The following TATDN1 variants were observed in gnomAD, a reference collection of about 807,000 sequenced individuals.
TATDN1 encodes the protein deoxyribonuclease TATDN1.
In TATDN1, 40 loss-of-function variants were observed where a neutral mutation model predicts 46.4. The observed-to-expected ratio is 0.86, with a 90% CI of 0.67 to 1.12. The LOEUF (loss-of-function observed/expected upper bound fraction) is 1.12. Among genes scored for constraint, TATDN1 ranks in the 50% most tolerant of loss-of-function variants. The pLI is 0.00. For missense variants in TATDN1, 326 were observed against 348.4 expected (o/e 0.94, Z 0.51); for synonymous variants, 95 against 105.6 (o/e 0.90, Z 0.62).
chr8:124,496,655 T>TA (rs1430401208), intron 9 of TATDN1, among the ~76,000 whole-genome samples: 1 of 152,258 alleles, frequency 6.6e-6, no homozygotes, highest in Non-Finnish European at 1.5e-5. Flanking sequence ...GCTTGATAGT[T>TA]CATTTCTTTT....
intron 1 of TATDN1, among the ~76,000 whole-genome samples, chr8:124,532,412 T>C (rs1161048473): frequency 1.3e-5 from 2 of 152,160 alleles, no homozygotes; most frequent in Admixed American, 6.5e-5. Flanking sequence ...GCCTCCCACA[T>C]AGCTGGGATT....
rs368357394 is a variant in TATDN1, at chr8:124,512,921, T to C, written c.389+2825A>G. On this transcript the variant is annotated intron_variant, in intron 6 of 11. Transcript: ENST00000276692. The stretch of plus-strand genomic sequence containing the variant: ...AATGTGATTGTTACTAGTGTGTCTT[T>C]TTTTTTTCTTTTGAGCGGAATCTTT... Among the ~76,000 whole-genome samples the C allele has an allele frequency of 1.1e-4, 16 of 152,260 alleles. 1 individual carries two copies. Among genetic ancestry groups the C allele is most frequent in the Admixed American group, 5.2e-4 (8 of 15,300 alleles).
intron 6 of TATDN1, 23 bp from the exon 7 acceptor site, chr8:124,508,711 ATTCTCATT>A: frequency 1.5e-6 from 2 of 1,372,732 alleles, no homozygotes; most frequent in African/African-American, 1.5e-5. Flanking sequence ...AAAAAAAAAA[ATTCTCATT>A]ACAAATTGTA....
chr8:124,502,277 C>T (rs995115154), intron 9 of TATDN1, among the ~76,000 whole-genome samples: 1 of 151,258 alleles, frequency 6.6e-6, no homozygotes, highest in Non-Finnish European at 1.5e-5. Context: ...GGAGGCGGAG[C>T]CTGCAGTGAG....
At chr8:124,522,122 A>C (rs1820099041) in intron 3 of TATDN1, 29 bp downstream of exon 3, 1 of 1,528,844 alleles carries the variant, frequency 6.5e-7, no homozygotes, top group Non-Finnish European at 8.9e-7. Flanking sequence ...GAATTTTAAA[A>C]ATCTCAAAAA....
At chr8:124,509,380 C>T (rs949205785) in intron 6 of TATDN1, among the ~76,000 whole-genome samples, 1 of 152,174 alleles carries the variant, frequency 6.6e-6, no homozygotes, top group Non-Finnish European at 1.5e-5. Flanking sequence ...AAGTCCCAGC[C>T]TAAACGACAA....
At chr8:124,504,165 C>G (rs2131397900) in intron 9 of TATDN1, 106 bp downstream of exon 9, 1 of 854,330 alleles carries the variant, frequency 1.2e-6, no homozygotes, top group South Asian at 2.0e-5. Context: ...AATGCAAACA[C>G]ACACAAACTT....
At chr8:124,499,345 G>C (rs910437009) in intron 9 of TATDN1, among the ~76,000 whole-genome samples, 1 of 152,002 alleles carries the variant, frequency 6.6e-6, no homozygotes, top group Non-Finnish European at 1.5e-5. Flanking sequence ...TAAATTTTCA[G>C]ATTATTTGTA....
intron 9 of TATDN1, among the ~76,000 whole-genome samples, chr8:124,496,491 T>C (rs1419385845): frequency 6.6e-6 from 1 of 152,206 alleles, no homozygotes; most frequent in Admixed American, 6.5e-5. Context: ...GTCCGCCTAT[T>C]CATCCCTCCT....
intron 11 of TATDN1, chr8:124,489,905 G>A (rs1433551792): frequency 2.6e-5 from 4 of 152,180 alleles, no homozygotes; most frequent in African/African-American, 9.7e-5. Flanking sequence ...ATTAAGGATG[G>A]AGATCTAAGA....
intron 4 of TATDN1, 134 bp from the exon 5 acceptor site, chr8:124,516,164 C>T: frequency 1.4e-6 from 1 of 709,716 alleles, no homozygotes; most frequent in Non-Finnish European, 2.1e-6. Flanking sequence ...ATTATAAGAA[C>T]TGCATTATGT....
intron 3 of TATDN1, 121 bp from the exon 4 acceptor site, chr8:124,519,002 C>A: frequency 1.5e-6 from 1 of 664,808 alleles, no homozygotes; most frequent in Admixed American, 2.7e-5. Flanking sequence ...CTGCCACACA[C>A]CTACCCTTTA....
chr8:124,496,194 C>T (rs1817454675), intron 9 of TATDN1, among the ~76,000 whole-genome samples: 1 of 152,116 alleles, frequency 6.6e-6, no homozygotes, highest in South Asian at 2.1e-4. Context: ...TTTCTCTAAT[C>T]ACAAATTTAT....
intron 2 of TATDN1, 58 bp from the exon 3 acceptor site, chr8:124,522,258 T>C (rs548292344): frequency 2.8e-6 from 3 of 1,090,900 alleles, no homozygotes; most frequent in South Asian, 1.4e-5. Context: ...TGACTTTTTT[T>C]TTTAGCTTCT....
chr8:124,498,178 G>A (rs556496464), intron 9 of TATDN1, among the ~76,000 whole-genome samples: 4 of 152,186 alleles, frequency 2.6e-5, no homozygotes, highest in East Asian at 1.9e-4. Context: ...CTAGTGTTGC[G>A]TTTCCTTTGC....
rs544525993 is a variant in TATDN1, at chr8:124,494,204, A to T, written c.665-245T>A. ...ACATTGTTGGTGTGCAGCATGCTTT[A>T]AAAAAAAGACCTAAACCTTAAATAC... On this transcript the variant is annotated intron_variant, in intron 10 of 11. Coordinates refer to ENST00000276692, the MANE Select transcript of TATDN1 (RefSeq NM_032026.4). 70 of 267,156 alleles carry T rather than the reference A, an allele frequency of 2.6e-4. 1 individual carries two copies. Among genetic ancestry groups the T allele is most frequent in the Admixed American group, 1.3e-3 (25 of 19,798 alleles). The allele number at this position is 267,156 out of a possible 1,614,324, so 16.5% of individuals were successfully genotyped here.
At chr8:124,530,323 A>G (rs1563690132) in intron 1 of TATDN1, among the ~76,000 whole-genome samples, 1 of 152,216 alleles carries the variant, frequency 6.6e-6, no homozygotes, top group South Asian at 2.1e-4. Context: ...GCACATATCT[A>G]TTATGAATGG....
At chr8:124,508,712 T>C (rs772294405) in intron 6 of TATDN1, 24 bp from the exon 7 acceptor site, 2 of 1,325,100 alleles carry the variant, frequency 1.5e-6, no homozygotes, top group East Asian at 4.9e-5. Flanking sequence ...AAAAAAAAAA[T>C]TCTCATTACA....
At chr8:124,507,930 C>T (rs1386866259) in intron 8 of TATDN1, among the ~76,000 whole-genome samples, 2 of 152,116 alleles carry the variant, frequency 1.3e-5, no homozygotes, top group South Asian at 2.1e-4. Context: ...ACACCTGGTC[C>T]ATAAATTCAA....
Sources: gnomAD v4.1 joint callset for allele counts (sites outside exome capture counted in the v4.1 genomes callset) on GRCh38, gnomAD v4.1.1 for gene constraint, MANE v1.5 for transcripts, NCBI Gene and HGNC (gene_info 2026-07-23, HGNC 2026-07-21) for gene names.